Variants in BBC3 observed in about 807,000 individuals in gnomAD.
The protein encoded by BBC3 is BCL2 binding component 3, also known as bcl-2-binding component 3.
Under a neutral mutation model 18.2 loss-of-function variants are expected in BBC3, and 5 were observed. The observed-to-expected ratio is 0.27, with a 90% CI of 0.14 to 0.58. BBC3 has a LOEUF of 0.58. Among genes scored for constraint, BBC3 ranks in the 20% least tolerant of loss-of-function variants. The pLI, the probability that BBC3 is intolerant of heterozygous loss-of-function variation, is 0.91. For missense variants in BBC3, 224 were observed against 268.9 expected, an observed-to-expected ratio of 0.83 and a Z score of 1.17; for synonymous variants, 119 against 128.0, an observed-to-expected ratio of 0.93 and a Z score of 0.47.
At chr19:47,232,678 G>C, upstream of BBC3, 1 of 1,351,960 alleles carries the variant, frequency 7.4e-7, no homozygotes, top group Non-Finnish European at 1.0e-6. Flanking sequence ...GGTTTGGTGA[G>C]TTTTGTCCTT....
intron 3 of BBC3, among the ~76,000 whole-genome samples, chr19:47,223,559 T>G (rs1474829735): frequency 1.3e-5 from 2 of 152,046 alleles, no homozygotes; most frequent in East Asian, 3.9e-4. Context: ...AGAGCAAGAC[T>G]CCGTGTCAAA....
At chr19:47,225,409 G>A (rs2058802801) in intron 3 of BBC3, among the ~76,000 whole-genome samples, 1 of 151,802 alleles carries the variant, frequency 6.6e-6, no homozygotes, top group East Asian at 1.9e-4. Context: ...CCAGGCTGGA[G>A]TTCAGTGACC....
At chr19:47,229,345 G>C (rs1241214305) in intron 1 of BBC3, among the ~76,000 whole-genome samples, 1 of 151,292 alleles carries the variant, frequency 6.6e-6, no homozygotes, top group African/African-American at 2.4e-5. Context: ...ACACCCACAT[G>C]TCACCAACTC....
In BBC3 at chr19:47,221,459, A is replaced by T; in HGVS notation, c.*343T>A. 1 of 183,056 alleles carries T rather than the reference A, an allele frequency of 5.5e-6. No individual in the cohort carries two copies. Among genetic ancestry groups the T allele is most frequent in the Non-Finnish European group, 9.5e-6 (1 of 104,970 alleles). 11.3% of individuals were successfully genotyped at this position (183,056 alleles called of 1,614,324 possible). ...CTCCCAGTGTCACCCCTGCAGCTGGAACGGGCACCAGCACAACAGCCTTTC... is the reference window on the plus strand; with the variant it reads ...CTCCCAGTGTCACCCCTGCAGCTGGTACGGGCACCAGCACAACAGCCTTTC... On this transcript the variant is annotated 3_prime_UTR_variant, in exon 4 of 4. Transcript: ENST00000439096.
At chr19:47,222,914 C>G (rs925058269) in intron 3 of BBC3, among the ~76,000 whole-genome samples, 1 of 137,444 alleles carries the variant, frequency 7.3e-6, no homozygotes, top group Non-Finnish European at 1.5e-5. Flanking sequence ...TGCGGTGAGC[C>G]GAGATCGTGC....
In BBC3 at chr19:47,231,187, C is replaced by G. The variant is rs2058910150; in HGVS notation, c.-274G>C. On this transcript the variant is annotated 5_prime_UTR_variant, in exon 1 of 4. Transcript: ENST00000439096. This position sits in a 1 kb window ranked among gnomAD's most constrained non-coding sequence, Gnocchi z 4.0. Reference sequence around the variant, plus strand: ...GCCAGGCGCCCGCTCGCATGTGGCTCGCGCCGCGTCTCAGGCCGCCCGGCG... The same window carrying G: ...GCCAGGCGCCCGCTCGCATGTGGCTGGCGCCGCGTCTCAGGCCGCCCGGCG... The G allele has an allele frequency of 1.0e-6, 1 of 983,412 alleles. No homozygotes were observed. Among genetic ancestry groups the G allele is most frequent in the East Asian group, 1.1e-4 (1 of 8,800 alleles). The allele number at this position is 983,412 out of a possible 1,614,324, so 60.9% of individuals were successfully genotyped here.
intron 3 of BBC3, chr19:47,222,190 G>T: frequency 2.6e-6 from 1 of 381,842 alleles, no homozygotes; most frequent in South Asian, 5.4e-5. Context: ...CGTCTCTGTT[G>T]TACATTTGAG....
chr19:47,232,746 T>TTTTA, upstream of BBC3: 1 of 691,340 alleles, frequency 1.4e-6, no homozygotes, highest in Non-Finnish European at 2.4e-6. Context: ...TTACTGGGTC[T>TTTTA]CACCCAATCG....
In BBC3 at chr19:47,230,712, C is replaced by T. The variant is rs2058902409; in HGVS notation, c.-16+217G>A. The stretch of plus-strand genomic sequence containing the variant: ...TTGTTTGTAAACAAACCCGCCAGAC[C>T]GCCGAGGCACCTGTGCGCCCAGACC... On this transcript the variant is annotated intron_variant, in intron 1 of 3. Transcript: ENST00000439096. The surrounding 1 kb of genome is among the most constrained non-coding windows in gnomAD (Gnocchi z 6.7). The T allele has an allele frequency of 1.0e-6, 1 of 984,980 alleles. No individual in the cohort carries two copies. The highest frequency in any genetic ancestry group is 1.2e-6 in the Non-Finnish European group (1 of 829,590). 61.0% of individuals were successfully genotyped at this position (984,980 alleles called of 1,614,324 possible).
At position 47,228,139 on chromosome 19, in the gene BBC3, G is replaced by C. The variant is rs2058860549; in HGVS notation, c.274+19C>G. 1 of 1,228,396 alleles carries C rather than the reference G, an allele frequency of 8.1e-7. No homozygotes were observed. Among genetic ancestry groups the C allele is most frequent in the African/African-American group, 1.6e-5 (1 of 64,386 alleles). 76.1% of individuals were successfully genotyped at this position (1,228,396 alleles called of 1,614,324 possible). A position where few individuals can be genotyped will look rare whatever the true frequency, so the allele number is the denominator to read the frequency against. On this transcript the variant is annotated intron_variant, in intron 2 of 3. Transcript: ENST00000439096. The surrounding 1 kb of genome is among the most constrained non-coding windows in gnomAD (Gnocchi z 5.5). Reference sequence around the variant, plus strand: ...CTCTTCCCGGCTCCTATCACCCCGGGGGCGGGGCGGGCACTCACCGTCCGG... The same window carrying C: ...CTCTTCCCGGCTCCTATCACCCCGGCGGCGGGGCGGGCACTCACCGTCCGG...
At chr19:47,225,439 C>T (rs1236134670) in intron 3 of BBC3, among the ~76,000 whole-genome samples, 1 of 152,052 alleles carries the variant, frequency 6.6e-6, no homozygotes. Context: ...TCAGTGCAGC[C>T]TCGACTTCCT....
chr19:47,227,563 G>A (rs2058849165), intron 2 of BBC3, among the ~76,000 whole-genome samples: 1 of 152,130 alleles, frequency 6.6e-6, no homozygotes, highest in South Asian at 2.1e-4. Flanking sequence ...TTTCCCTAGA[G>A]CGCCTGCCGG....
chr19:47,226,140 C>T (rs1296728347), intron 3 of BBC3, among the ~76,000 whole-genome samples: 4 of 151,594 alleles, frequency 2.6e-5, no homozygotes, highest in African/African-American at 4.9e-5. Flanking sequence ...CCCGGCCCGC[C>T]CCGGCGCCCG....
At position 47,230,705 on chromosome 19, in the gene BBC3, G is replaced by A. The variant is rs981032095; in HGVS notation, c.-16+224C>T. 5 of 984,052 alleles carry A rather than the reference G, an allele frequency of 5.1e-6. No individual in the cohort carries two copies. The African/African-American group carries it at 7.0e-5, about 14-fold the overall frequency. The allele number at this position is 984,052 out of a possible 1,614,324, so 61.0% of individuals were successfully genotyped here. ...CACCCCATTGTTTGTAAACAAACCC[G>A]CCAGACCGCCGAGGCACCTGTGCGC... On this transcript the variant is annotated intron_variant, in intron 1 of 3. Coordinates refer to ENST00000439096, the MANE Select transcript of BBC3 (RefSeq NM_014417.5). This position sits in a 1 kb window ranked among gnomAD's most constrained non-coding sequence, Gnocchi z 6.7.
intron 3 of BBC3, among the ~76,000 whole-genome samples, chr19:47,224,223 AG>A (rs1165378437): frequency 1.3e-5 from 2 of 152,178 alleles, no homozygotes; most frequent in Middle Eastern, 3.4e-3. Flanking sequence ...TGAACCCGGG[AG>A]GTGAAGGTTG....
intron 3 of BBC3, chr19:47,222,674 T>TA (rs1441280772): frequency 6.6e-6 from 1 of 152,060 alleles, no homozygotes; most frequent in Non-Finnish European, 1.5e-5. Context: ...CCGTCTCTAT[T>TA]AAAAATACAG....
chr19:47,222,053 T>C, intron 3 of BBC3, 135 bp from the exon 4 acceptor site: 1 of 758,996 alleles, frequency 1.3e-6, no homozygotes, highest in South Asian at 2.0e-5. Context: ...CCTGGGCTAA[T>C]GTCCATGTCT....
chr19:47,230,116 C>A lies in BBC3; in HGVS notation c.-16+813G>T, dbSNP rs186592886. On this transcript the variant is annotated intron_variant, in intron 1 of 3. Coordinates refer to ENST00000439096, the MANE Select transcript of BBC3 (RefSeq NM_014417.5). This position sits in a 1 kb window ranked among gnomAD's most constrained non-coding sequence, Gnocchi z 6.7. ...GACCCCCAGTATCATCCCGGAACAG[C>A]ACACACAGACAACTCTCACCGACAA... Among the ~76,000 whole-genome samples, 1 of 152,100 alleles carries A rather than the reference C, an allele frequency of 6.6e-6. No homozygotes were observed. Among genetic ancestry groups the A allele is most frequent in the East Asian group, 1.9e-4 (1 of 5,162 alleles).
chr19:47,227,075 T>C (rs1479099571), intron 2 of BBC3: 1 of 238,716 alleles, frequency 4.2e-6, no homozygotes, highest in Non-Finnish European at 8.2e-6. Context: ...TTTTGCCTTT[T>C]CCATGTGACA....
Sources: allele counts gnomAD v4.1 joint callset (sites outside exome capture counted in the v4.1 genomes callset), GRCh38; gene constraint gnomAD v4.1.1; non-coding constraint Gnocchi (gnomAD v3.1); transcripts MANE v1.5; gene names NCBI Gene and HGNC (gene_info 2026-07-23, HGNC 2026-07-21).